Variants in CUX2 observed in about 807,000 individuals in gnomAD.
CUX2 encodes cut like homeobox 2, also known as homeobox protein cut-like 2.
CUX2 carries 40 observed loss-of-function variants against 144.8 expected under a neutral mutation model. The ratio of observed to expected loss-of-function variants is 0.28; its 90% CI spans 0.21 to 0.36. The LOEUF (loss-of-function observed/expected upper bound fraction) is 0.36, where lower values mean the gene tolerates loss of function less well. CUX2 is among the 10% of genes least tolerant of loss of function. CUX2 has a pLI of 1.00. For synonymous variants in CUX2, 827 were observed against 875.6 expected (o/e 0.94, Z 0.98); for missense variants, 1,615 against 1,994.0 (o/e 0.81, Z 3.62).
chr12:111,178,449 CT>C lies in CUX2; in HGVS notation c.64-35749del, dbSNP rs142419903. 1.3e-4 allele frequency among the ~76,000 whole-genome samples: 20 copies of C among 152,324 alleles called. No individual in the cohort carries two copies. In the East Asian group the frequency reaches 3.9e-3, roughly 29 times the overall value. On this transcript the variant is annotated intron_variant, in intron 1 of 21. Transcript: ENST00000261726. This position sits in a 1 kb window ranked among gnomAD's most constrained non-coding sequence, Gnocchi z 5.7. ...GACTGGGTTCATCCTTGTTCCACAA[CT>C]TCCTTGGCTCAAGGGTGGACTTATG...
In CUX2 at chr12:111,251,285, G is replaced by A. The variant is rs147772529; in HGVS notation, c.223-12476G>A. On this transcript the variant is annotated intron_variant, in intron 3 of 21. Coordinates refer to ENST00000261726, the MANE Select transcript of CUX2 (RefSeq NM_015267.4). ...ACAAGCAATTTAAATGCAGTCTTAC[G>A]TGGAGGCCTGGAAATTGTTTTTCCC... 3.7e-3 allele frequency among the ~76,000 whole-genome samples: 558 copies of A among 152,226 alleles called. 3 individuals are homozygous for A. The highest frequency in any genetic ancestry group is 5.6e-3 in the Non-Finnish European group (379 of 68,010).
intron 1 of CUX2, among the ~76,000 whole-genome samples, chr12:111,145,808 A>G (rs1261054086): frequency 6.6e-6 from 1 of 152,124 alleles, no homozygotes; most frequent in Non-Finnish European, 1.5e-5. Flanking sequence ...CTGGGATTAC[A>G]GCCATGCGCC....
At chr12:111,095,760 C>G (rs1488969048) in intron 1 of CUX2, among the ~76,000 whole-genome samples, 1 of 152,214 alleles carries the variant, frequency 6.6e-6, no homozygotes, top group Non-Finnish European at 1.5e-5. Flanking sequence ...ATTACCGTTA[C>G]TACCATCACT....
chr12:111,282,625 TAAAAAAAAAAAAA>T (rs3061123), intron 4 of CUX2, among the ~76,000 whole-genome samples: 1 of 105,038 alleles, frequency 9.5e-6, no homozygotes. Context: ...AAACTCCATC[TAAAAAAAAAAAAA>T]AAAAAAAAAA....
intron 1 of CUX2, among the ~76,000 whole-genome samples, chr12:111,140,653 G>A (rs1423496698): frequency 3.3e-5 from 5 of 152,194 alleles, no homozygotes; most frequent in Admixed American, 3.3e-4. Flanking sequence ...GCAGGCTGCC[G>A]TGGTCCGAAG....
At chr12:111,106,016 C>T (rs1048139504) in intron 1 of CUX2, among the ~76,000 whole-genome samples, 46 of 152,000 alleles carry the variant, frequency 3.0e-4, no homozygotes, top group African/African-American at 1.1e-3. Flanking sequence ...AGGCATATGC[C>T]ACCACGCCTG....
At chr12:111,301,468 C>T (rs1886290220) in intron 9 of CUX2, among the ~76,000 whole-genome samples, 1 of 152,012 alleles carries the variant, frequency 6.6e-6, no homozygotes, top group Non-Finnish European at 1.5e-5. Flanking sequence ...TGGCTGTTAG[C>T]CTCTGGAATG....
rs1225627399 is a variant in CUX2 at position 111,348,641 on chromosome 12, T to G, written c.*316T>G. On this transcript the variant is annotated 3_prime_UTR_variant, in exon 22 of 22. Coordinates refer to ENST00000261726, the MANE Select transcript of CUX2 (RefSeq NM_015267.4). Reference sequence around the variant, plus strand: ...CTCTTTTAGAAAAATAAATAAATATTTATAGACCTCTTTTAGATATTTTAA... The same window carrying G: ...CTCTTTTAGAAAAATAAATAAATATGTATAGACCTCTTTTAGATATTTTAA... 5 of 256,962 alleles carry G rather than the reference T, an allele frequency of 1.9e-5. No individual in the cohort carries two copies. Among genetic ancestry groups the G allele is most frequent in the African/African-American group, 6.7e-5 (3 of 44,848 alleles). 15.9% of individuals were successfully genotyped at this position (256,962 alleles called of 1,614,324 possible).
intron 1 of CUX2, among the ~76,000 whole-genome samples, chr12:111,097,706 G>A (rs73413552): frequency 0.025 from 3,880 of 152,286 alleles, 151 homozygotes; most frequent in African/African-American, 0.089. Flanking sequence ...CTCGGCAAGC[G>A]AGGCGCTCAG....
intron 4 of CUX2, among the ~76,000 whole-genome samples, chr12:111,290,107 G>T (rs1288726893): frequency 6.6e-6 from 1 of 152,172 alleles, no homozygotes; most frequent in Non-Finnish European, 1.5e-5. Flanking sequence ...GTAGTTGGAG[G>T]TCTGCAAGGC....
rs551571929 is a variant in CUX2, at chr12:111,302,467, G to A, written c.754-1743G>A. The stretch of plus-strand genomic sequence containing the variant: ...TATTAATAGGGAAACCGAGGCTGGG[G>A]AGATGAAGCCTCTTGCCTAAGATCG... On this transcript the variant is annotated intron_variant, in intron 9 of 21. Transcript: ENST00000261726. Among the ~76,000 whole-genome samples the A allele has an allele frequency of 6.7e-3, 1,017 of 152,302 alleles. 18 individuals carry two copies. Among genetic ancestry groups the A allele is most frequent in the Non-Finnish European group, 0.012 (810 of 68,040 alleles).
At chr12:111,294,694 T>G (rs1242956884) in intron 6 of CUX2, among the ~76,000 whole-genome samples, 3 of 151,894 alleles carry the variant, frequency 2.0e-5, no homozygotes, top group Admixed American at 2.0e-4. Context: ...GTCGGCAGTT[T>G]GAGACCAGCC....
chr12:111,063,945 G>A (rs1870915156), intron 1 of CUX2, among the ~76,000 whole-genome samples: 1 of 152,222 alleles, frequency 6.6e-6, no homozygotes, highest in South Asian at 2.1e-4. Context: ...GGTAGCTGGT[G>A]TCTGGACATG....
chr12:111,320,392 C>T lies in CUX2; in HGVS notation c.2383C>T (p.Leu795=). 1.3e-6 allele frequency: 2 copies of T among 1,597,994 alleles called. No individual in the cohort carries two copies. Among genetic ancestry groups the T allele is most frequent in the Non-Finnish European group, 1.7e-6 (2 of 1,179,138 alleles). ...CCACCACTGGGCCTCCGACCGCGGC[C>T]TGCTCAGCCGCCCCTACGCCTCCGT... ...FDHHWASDRG[L]LSRPYASVSP... The change falls in exon 17 of 22, where the codon CTG becomes TTG. Residue 795 remains leucine, a synonymous_variant. Transcript: ENST00000261726. The surrounding 1 kb of genome is among the most constrained non-coding windows in gnomAD (Gnocchi z 8.1).
chr12:111,317,004 C>G (rs1465991283), intron 16 of CUX2, among the ~76,000 whole-genome samples: 1 of 152,148 alleles, frequency 6.6e-6, no homozygotes, highest in Non-Finnish European at 1.5e-5. Flanking sequence ...TGCGTCTGGC[C>G]TCTTTCACTC....
chr12:111,271,546 T>C (rs1359930893), intron 4 of CUX2, among the ~76,000 whole-genome samples: 1 of 152,218 alleles, frequency 6.6e-6, no homozygotes, highest in African/African-American at 2.4e-5. Flanking sequence ...ACAGTTAAGG[T>C]GCTTGGGAAC....
At position 111,068,626 on chromosome 12, in the gene CUX2, G is replaced by A. The variant is rs1023674749; in HGVS notation, c.63+34386G>A. Among the ~76,000 whole-genome samples, 1 of 152,220 alleles carries A rather than the reference G, an allele frequency of 6.6e-6. No homozygotes were observed. Among genetic ancestry groups the A allele is most frequent in the Admixed American group, 6.5e-5 (1 of 15,288 alleles). ...GGTGTTTTCTCCTGTGTTCCCGGCA[G>A]GGCCCTGCAGCAGTGCCTTTGTAGC... On this transcript the variant is annotated intron_variant, in intron 1 of 21. Transcript: ENST00000261726. The surrounding 1 kb of genome is among the most constrained non-coding windows in gnomAD (Gnocchi z 4.9).
At chr12:111,226,527 C>T (rs1030890038) in intron 3 of CUX2, among the ~76,000 whole-genome samples, 8 of 152,040 alleles carry the variant, frequency 5.3e-5, no homozygotes, top group African/African-American at 1.7e-4. Flanking sequence ...TTTTTCCCCC[C>T]AGTTAAGTAG....
At chr12:111,223,612 C>T (rs1449858976) in intron 3 of CUX2, among the ~76,000 whole-genome samples, 1 of 152,196 alleles carries the variant, frequency 6.6e-6, no homozygotes, top group Admixed American at 6.5e-5. Context: ...GTGTGACTAC[C>T]TGGAGACCAC....
Sources: allele counts gnomAD v4.1 joint callset (sites outside exome capture counted in the v4.1 genomes callset), GRCh38; gene constraint gnomAD v4.1.1; non-coding constraint Gnocchi (gnomAD v3.1); transcripts MANE v1.5; gene names NCBI Gene and HGNC (gene_info 2026-07-23, HGNC 2026-07-21).